The following NEK10 variants were observed in gnomAD, a reference collection of about 807,000 sequenced individuals.
NEK10 encodes the protein NIMA related kinase 10, also known as serine/threonine-protein kinase Nek10.
A neutral mutation model predicts 159.8 loss-of-function variants in NEK10; 122 were observed. The ratio of observed to expected loss-of-function variants is 0.76; its 90% CI spans 0.66 to 0.89. The LOEUF (loss-of-function observed/expected upper bound fraction) is 0.89. Among genes scored for constraint, NEK10 ranks in the 40% least tolerant of loss-of-function variants. The probability of loss-of-function intolerance (pLI) is 0.00; values close to 1 mark genes in which losing one functional copy is unlikely to be tolerated. For missense variants in NEK10, 1,342 were observed against 1,323.1 expected, an observed-to-expected ratio of 1.01 and a Z score of -0.22; for synonymous variants, 466 against 457.1, an observed-to-expected ratio of 1.02 and a Z score of -0.25.
chr3:27,321,101 A>AC (rs748869468), intron 6 of NEK10, among the ~76,000 whole-genome samples: 2 of 152,102 alleles, frequency 1.3e-5, no homozygotes, highest in Non-Finnish European at 2.9e-5. Context: ...CGAGTTCAAA[A>AC]TTAAAGGTGT....
chr3:27,357,316 T>TA (rs200061320), intron 1 of NEK10, among the ~76,000 whole-genome samples: 43 of 152,122 alleles, frequency 2.8e-4, no homozygotes, highest in Admixed American at 6.5e-4. Context: ...AGGATTATTT[T>TA]AAAAAAAACC....
intron 22 of NEK10, among the ~76,000 whole-genome samples, chr3:27,263,604 G>C (rs1195485829): frequency 6.6e-6 from 1 of 152,172 alleles, no homozygotes; most frequent in Non-Finnish European, 1.5e-5. Context: ...GTGGGTATAG[G>C]ACCCTCCGAG....
chr3:27,336,546 C>CATG (rs1215067663), intron 5 of NEK10, among the ~76,000 whole-genome samples: 1 of 151,920 alleles, frequency 6.6e-6, no homozygotes, highest in Non-Finnish European at 1.5e-5. Context: ...GAACAAAAAC[C>CATG]ATGAAAACTA....
intron 35 of NEK10, among the ~76,000 whole-genome samples, chr3:27,114,525 GA>G (rs1940093321): frequency 6.6e-6 from 1 of 152,112 alleles, no homozygotes; most frequent in Admixed American, 6.6e-5. Context: ...TGACTCATAA[GA>G]AAAACTCCTT....
intron 6 of NEK10, among the ~76,000 whole-genome samples, chr3:27,321,353 C>T (rs146709124): frequency 3.9e-5 from 6 of 152,176 alleles, no homozygotes; most frequent in South Asian, 2.1e-4. Context: ...AGGTGATTCC[C>T]ATGCACATTA....
intron 12 of NEK10, among the ~76,000 whole-genome samples, chr3:27,303,158 G>T (rs1286323706): frequency 6.6e-6 from 1 of 152,150 alleles, no homozygotes; most frequent in Non-Finnish European, 1.5e-5. Context: ...GTTAAAATAT[G>T]TCATTGTCCT....
chr3:27,235,767 A>T (rs1032846938), intron 23 of NEK10, among the ~76,000 whole-genome samples: 1 of 152,168 alleles, frequency 6.6e-6, no homozygotes, highest in African/African-American at 2.4e-5. Flanking sequence ...CTGGGTATAT[A>T]CCCAAAGGAA....
chr3:27,360,664 G>A (rs950440549), intron 1 of NEK10, among the ~76,000 whole-genome samples: 1 of 152,142 alleles, frequency 6.6e-6, no homozygotes, highest in Non-Finnish European at 1.5e-5. Flanking sequence ...ACTGATGTTT[G>A]CATAACTTCA....
intron 23 of NEK10, among the ~76,000 whole-genome samples, chr3:27,230,539 A>C (rs1953127164): frequency 6.6e-6 from 1 of 152,082 alleles, no homozygotes; most frequent in South Asian, 2.1e-4. Context: ...AATGAACGTA[A>C]ATGGCCTAGA....
At position 27,312,095 on chromosome 3, in the gene NEK10, T is replaced by C; in HGVS notation, c.568+4A>G. Reference sequence around the variant, plus strand: ...AATGGCTGTGTCCCTGCAATAACACTTACATGTCATGTTGACCAGCTTGTC... The same window carrying C: ...AATGGCTGTGTCCCTGCAATAACACCTACATGTCATGTTGACCAGCTTGTC... On this transcript the variant is annotated splice_donor_region_variant and intron_variant, in intron 8 of 35. Coordinates refer to ENST00000691995, the MANE Select transcript of NEK10 (RefSeq NM_001394966.1). The C allele has an allele frequency of 1.2e-6, 2 of 1,604,728 alleles. No individual in the cohort carries two copies. The highest frequency in any genetic ancestry group is 1.7e-6 in the Non-Finnish European group (2 of 1,172,154).
At chr3:27,165,001 C>T (rs971884254) in intron 29 of NEK10, among the ~76,000 whole-genome samples, 2 of 152,170 alleles carry the variant, frequency 1.3e-5, no homozygotes, top group East Asian at 3.9e-4. Flanking sequence ...GCCGCTTTTG[C>T]TATTCCTTTA....
intron 30 of NEK10, among the ~76,000 whole-genome samples, chr3:27,150,886 C>T (rs1944788103): frequency 6.6e-6 from 1 of 152,108 alleles, no homozygotes; most frequent in South Asian, 2.1e-4. Context: ...ATTTTAGCTC[C>T]AGATCAACTC....
At chr3:27,215,819 G>C (rs549479651) in intron 23 of NEK10, 1 of 717,514 alleles carries the variant, frequency 1.4e-6, no homozygotes, top group Non-Finnish European at 2.6e-6. Flanking sequence ...GGCAAAGGAG[G>C]AGCCAGCACG....
At chr3:27,255,550 T>A (rs1370080892) in intron 23 of NEK10, among the ~76,000 whole-genome samples, 1 of 152,098 alleles carries the variant, frequency 6.6e-6, no homozygotes, top group African/African-American at 2.4e-5. Context: ...TGAATCAGAT[T>A]TCAGAATATT....
At chr3:27,197,634 G>T (rs930585703) in intron 25 of NEK10, among the ~76,000 whole-genome samples, 1 of 152,120 alleles carries the variant, frequency 6.6e-6, no homozygotes, top group Non-Finnish European at 1.5e-5. Context: ...CTGCAACTTC[G>T]CTGAAGTTGT....
intron 30 of NEK10, among the ~76,000 whole-genome samples, chr3:27,158,909 C>T (rs144517800): frequency 6.2e-4 from 94 of 152,254 alleles, no homozygotes; most frequent in African/African-American, 2.1e-3. Flanking sequence ...TATCATTTCC[C>T]TTGTCTTGAA....
chr3:27,219,522 G>C (rs564179546), intron 23 of NEK10, among the ~76,000 whole-genome samples: 43 of 152,308 alleles, frequency 2.8e-4, no homozygotes, highest in African/African-American at 9.9e-4. Context: ...TTAGTGGATT[G>C]CCTATGTTGA....
At chr3:27,118,697 C>T (rs975757677) in intron 33 of NEK10, among the ~76,000 whole-genome samples, 3 of 152,164 alleles carry the variant, frequency 2.0e-5, no homozygotes, top group South Asian at 2.1e-4. Context: ...TTCTATGATG[C>T]GGAGAAGTTT....
rs989006486 is a variant in NEK10 at position 27,276,219 on chromosome 3, T to C, written c.2014+8383A>G. Among the ~76,000 whole-genome samples the C allele has an allele frequency of 5.3e-5, 8 of 152,088 alleles. No homozygotes were observed. The Middle Eastern group carries it at 0.01, about 194-fold the overall frequency. Reference sequence around the variant, plus strand: ...GAGAAAGAAGGTCAAGAAAGTTCATTTCTCTCACCTCAAGGAGAAGATGGC... The same window carrying C: ...GAGAAAGAAGGTCAAGAAAGTTCATCTCTCTCACCTCAAGGAGAAGATGGC... On this transcript the variant is annotated intron_variant, in intron 22 of 35. Coordinates refer to ENST00000691995, the MANE Select transcript of NEK10 (RefSeq NM_001394966.1).
Sources: allele counts gnomAD v4.1 joint callset (sites outside exome capture counted in the v4.1 genomes callset), GRCh38; gene constraint gnomAD v4.1.1; transcripts MANE v1.5; gene names NCBI Gene and HGNC (gene_info 2026-07-23, HGNC 2026-07-21).